The following UHRF2 variants were observed in gnomAD, a reference collection of about 807,000 sequenced individuals.
UHRF2 encodes E3 ubiquitin-protein ligase UHRF2.
In UHRF2, 23 loss-of-function variants were observed where a neutral mutation model predicts 96.8. The observed-to-expected ratio is 0.24, with a 90% CI of 0.17 to 0.34. The LOEUF (loss-of-function observed/expected upper bound fraction) is 0.34, where lower values mean the gene tolerates loss of function less well. UHRF2 is among the 10% of genes least tolerant of loss of function. The pLI is 1.00. For missense variants in UHRF2, 685 were observed against 981.5 expected (o/e 0.70, Z 4.04); for synonymous variants, 385 against 332.6 (o/e 1.16, Z -1.72).
intron 4 of UHRF2, chr9:6,468,244 T>G (rs1822996836): frequency 2.8e-6 from 1 of 352,774 alleles, no homozygotes; most frequent in Admixed American, 3.8e-5. Flanking sequence ...AGTGTCTTGA[T>G]AAGCCTTTAA....
intron 4 of UHRF2, among the ~76,000 whole-genome samples, chr9:6,463,902 C>G (rs1310471340): frequency 6.6e-6 from 1 of 152,116 alleles, no homozygotes; most frequent in Non-Finnish European, 1.5e-5. Flanking sequence ...ACAGTGCTGC[C>G]ATCAGGTTCT....
intron 1 of UHRF2, among the ~76,000 whole-genome samples, chr9:6,419,310 C>A (rs1819788675): frequency 6.6e-6 from 1 of 152,178 alleles, no homozygotes; most frequent in Non-Finnish European, 1.5e-5. Context: ...CAACCCATAA[C>A]CCTTACCAAA....
chr9:6,460,842 T>C (rs1382900046), intron 4 of UHRF2, 51 bp downstream of exon 4: 1 of 1,518,916 alleles, frequency 6.6e-7, no homozygotes, highest in East Asian at 2.3e-5. Context: ...GATCAAGGAA[T>C]GTATTTTTAG....
chr9:6,435,829 G>A (rs1405302635), intron 3 of UHRF2, among the ~76,000 whole-genome samples: 8 of 151,912 alleles, frequency 5.3e-5, no homozygotes, highest in Non-Finnish European at 1.0e-4. Context: ...CGGTGGTCTC[G>A]AACTCCTGAC....
At chr9:6,486,044 A>C (rs566939661) in intron 8 of UHRF2, among the ~76,000 whole-genome samples, 1 of 152,292 alleles carries the variant, frequency 6.6e-6, no homozygotes, top group East Asian at 1.9e-4. Flanking sequence ...GAGAAGCTGC[A>C]CATAAGGCTA....
At chr9:6,456,502 A>G (rs1822184037) in intron 3 of UHRF2, among the ~76,000 whole-genome samples, 1 of 152,102 alleles carries the variant, frequency 6.6e-6, no homozygotes, top group Admixed American at 6.5e-5. Flanking sequence ...CTCTGATGAT[A>G]GTTTCTTTTG....
chr9:6,479,360 T>A (rs1823785954), intron 6 of UHRF2, among the ~76,000 whole-genome samples: 1 of 152,170 alleles, frequency 6.6e-6, no homozygotes, highest in Admixed American at 6.6e-5. Flanking sequence ...TTTTATAGAT[T>A]TGAGATCAGG....
chr9:6,492,704 A>G (rs150734295), intron 9 of UHRF2: 3 of 152,556 alleles, frequency 2.0e-5, no homozygotes, highest in African/African-American at 4.8e-5. Flanking sequence ...CTATTTTGCT[A>G]GTGTTAGTAG....
Position 6,497,254 on chromosome 9 carries a change from G to A in UHRF2, c.1661G>A (p.Arg554Gln), listed in dbSNP as rs145755482. 3.4e-5 allele frequency: 55 copies of A among 1,613,862 alleles called. No individual in the cohort carries two copies. Among genetic ancestry groups the A allele is most frequent in the African/African-American group, 8.0e-5 (6 of 74,910 alleles). The change falls in exon 11 of 16, where the codon CGG becomes CAG. Residue 554 changes from arginine (R) to glutamine (Q), a missense_variant. By Grantham distance (43) the Arg-to-Gln change is conservative. This residue lies in a region of UHRF2 where 73 missense variants were observed against 283.7 expected (regional missense o/e 0.26). Coordinates refer to ENST00000276893, the MANE Select transcript of UHRF2 (RefSeq NM_152896.3). ...GATGATAAAATTGGAGCAGAGTCTC[G>A]GAATTGGAGAGCTGGTAAGCCAGTC... ...PLDDKIGAES[R>Q]NWRAGKPVRV... is the part of the protein sequence containing the mutation.
Position 6,443,446 on chromosome 9 carries a change from G to A in UHRF2, c.644+9273G>A, listed in dbSNP as rs577680298. 9.8e-5 allele frequency among the ~76,000 whole-genome samples: 15 copies of A among 152,300 alleles called. No homozygotes were observed. The East Asian group carries it at 1.5e-3, about 16-fold the overall frequency. ...AAGTAGCAGGCAGATTCCAAAAAGC[G>A]CATGCTTGCAACTACTCTACCATAC... On this transcript the variant is annotated intron_variant, in intron 3 of 15. Coordinates refer to ENST00000276893, the MANE Select transcript of UHRF2 (RefSeq NM_152896.3).
intron 2 of UHRF2, among the ~76,000 whole-genome samples, chr9:6,427,148 C>T (rs1233417945): frequency 6.6e-6 from 1 of 152,148 alleles, no homozygotes; most frequent in Non-Finnish European, 1.5e-5. Context: ...TTATAAGTCA[C>T]TTAAAAATTG....
At chr9:6,475,146 C>G (rs1326899573) in intron 4 of UHRF2, among the ~76,000 whole-genome samples, 1 of 152,082 alleles carries the variant, frequency 6.6e-6, no homozygotes, top group Non-Finnish European at 1.5e-5. Flanking sequence ...TACAAGTTAG[C>G]TACTTCTTAC....
intron 9 of UHRF2, chr9:6,492,884 A>G (rs1587874236): frequency 1.3e-5 from 1 of 77,728 alleles, no homozygotes; most frequent in Non-Finnish European, 2.6e-5. Context: ...TACTACTTTT[A>G]GATTTTTCAA....
At chr9:6,442,621 G>A (rs924964228) in intron 3 of UHRF2, among the ~76,000 whole-genome samples, 4 of 151,382 alleles carry the variant, frequency 2.6e-5, no homozygotes, top group Admixed American at 6.6e-5. Context: ...TGGGACCACA[G>A]GTGCACACCA....
At chr9:6,455,566 C>G (rs2130831220) in intron 3 of UHRF2, among the ~76,000 whole-genome samples, 1 of 152,208 alleles carries the variant, frequency 6.6e-6, no homozygotes, top group Middle Eastern at 3.4e-3. Context: ...GGTTCCAAGT[C>G]TTTGCTATTG....
chr9:6,475,215 A>G (rs1823493893), intron 4 of UHRF2, among the ~76,000 whole-genome samples, 176 bp from the exon 5 acceptor site: 1 of 152,206 alleles, frequency 6.6e-6, no homozygotes, highest in South Asian at 2.1e-4. Flanking sequence ...ATGTTAACTA[A>G]TCACTATGGA....
Position 6,506,847 on chromosome 9 carries a change from A to G in UHRF2, c.*668A>G, listed in dbSNP as rs1220662216. 6 of 152,636 alleles carry G rather than the reference A, an allele frequency of 3.9e-5. No individual in the cohort carries two copies. The highest frequency in any genetic ancestry group is 8.8e-5 in the Non-Finnish European group (6 of 68,028). The allele number at this position is 152,636 out of a possible 1,614,324, so 9.5% of individuals were successfully genotyped here. On this transcript the variant is annotated 3_prime_UTR_variant, in exon 16 of 16. Transcript: ENST00000276893. ...TTTTGCACTTAAAAGAGGTATTCAT[A>G]TGCTCTAGTTGTAAATGTTCATGAA... is the stretch of plus-strand genomic sequence containing the variant.
intron 9 of UHRF2, among the ~76,000 whole-genome samples, chr9:6,489,790 A>G (rs1057139980): frequency 2.2e-5 from 3 of 138,340 alleles, no homozygotes; most frequent in Non-Finnish European, 4.6e-5. Flanking sequence ...ACTTGCTTTC[A>G]TGGATTGTTA....
At chr9:6,435,524 A>G (rs1820792526) in intron 3 of UHRF2, among the ~76,000 whole-genome samples, 1 of 152,176 alleles carries the variant, frequency 6.6e-6, no homozygotes, top group Non-Finnish European at 1.5e-5. Flanking sequence ...ACCACAAACT[A>G]ATTTTAGAAC....
Sources: allele counts gnomAD v4.1 joint callset (sites outside exome capture counted in the v4.1 genomes callset), GRCh38; gene constraint gnomAD v4.1.1; regional missense constraint gnomAD v4.1.1; transcripts MANE v1.5; gene names NCBI Gene and HGNC (gene_info 2026-07-23, HGNC 2026-07-21).